Variants in CLASP2 observed in about 807,000 individuals in gnomAD.
CLASP2 encodes cytoplasmic linker associated protein 2.
Under a neutral mutation model 194.4 loss-of-function variants are expected in CLASP2, and 47 were observed. The observed-to-expected ratio is 0.24, with a 90% CI of 0.19 to 0.31. The LOEUF (loss-of-function observed/expected upper bound fraction) is 0.31. Ranked by LOEUF, CLASP2 falls within the 10% of genes least tolerant of loss-of-function variation. CLASP2 has a pLI of 1.00. For missense variants in CLASP2, 1,445 were observed against 1,823.6 expected (o/e 0.79, Z 3.78); for synonymous variants, 619 against 633.5 (o/e 0.98, Z 0.34).
chr3:33,641,557 C>A (rs770522811), intron 8 of CLASP2, among the ~76,000 whole-genome samples: 1 of 151,308 alleles, frequency 6.6e-6, no homozygotes, highest in South Asian at 2.1e-4. Flanking sequence ...GGGTGGCATA[C>A]GAAGGCCAAA....
intron 8 of CLASP2, among the ~76,000 whole-genome samples, chr3:33,642,878 C>CA (rs1262672887): frequency 6.7e-6 from 1 of 148,998 alleles, no homozygotes; most frequent in African/African-American, 2.5e-5. Context: ...CTGCAATTGC[C>CA]AAAACGAAGA....
At chr3:33,670,216 C>G (rs2086903005) in intron 6 of CLASP2, among the ~76,000 whole-genome samples, 1 of 151,898 alleles carries the variant, frequency 6.6e-6, no homozygotes, top group Non-Finnish European at 1.5e-5. Flanking sequence ...ACAGGCAAAA[C>G]TAAACTATGG....
chr3:33,672,630 G>A (rs896298558), intron 6 of CLASP2, among the ~76,000 whole-genome samples: 9 of 152,218 alleles, frequency 5.9e-5, no homozygotes, highest in African/African-American at 2.2e-4. Flanking sequence ...GAAGGCTTCA[G>A]ACGATCAAAT....
chr3:33,540,371 G>A (rs1412720161), intron 32 of CLASP2, among the ~76,000 whole-genome samples: 2 of 151,620 alleles, frequency 1.3e-5, no homozygotes, highest in African/African-American at 4.8e-5. Context: ...CAAGTTGCTA[G>A]GACTACAAAC....
intron 34 of CLASP2, among the ~76,000 whole-genome samples, chr3:33,527,920 G>A (rs2055048105): frequency 6.6e-6 from 1 of 152,164 alleles, no homozygotes; most frequent in Non-Finnish European, 1.5e-5. Context: ...CCGAGATCAT[G>A]CTGCTGCCCC....
chr3:33,529,870 C>G (rs951066110), intron 34 of CLASP2, among the ~76,000 whole-genome samples: 1 of 148,396 alleles, frequency 6.7e-6, no homozygotes, highest in Non-Finnish European at 1.5e-5. Context: ...CCCAGCTACT[C>G]GGGAGGCTGA....
At chr3:33,697,889 TAAG>T (rs1305923891) in intron 1 of CLASP2, among the ~76,000 whole-genome samples, 3 of 152,166 alleles carry the variant, frequency 2.0e-5, no homozygotes, top group Non-Finnish European at 4.4e-5. Context: ...TGTAAGTGGG[TAAG>T]AAGAAGTCAG....
intron 6 of CLASP2, among the ~76,000 whole-genome samples, chr3:33,675,037 A>T (rs1227130908): frequency 6.6e-6 from 1 of 152,194 alleles, no homozygotes; most frequent in East Asian, 1.9e-4. Flanking sequence ...ATTCCTTCTG[A>T]AACTATTCCA....
At chr3:33,695,220 ATTTTTTTTT>A (rs762657276) in intron 2 of CLASP2, among the ~76,000 whole-genome samples, 1 of 103,840 alleles carries the variant, frequency 9.6e-6, no homozygotes, top group Non-Finnish European at 1.9e-5. Flanking sequence ...AAGCCTGCTA[ATTTTTTTTT>A]TTTTTTTTTT....
intron 25 of CLASP2, among the ~76,000 whole-genome samples, chr3:33,571,038 CG>C (rs1560085548): frequency 9.9e-6 from 1 of 101,144 alleles, no homozygotes; most frequent in Non-Finnish European, 2.1e-5. Flanking sequence ...TTTTTTGAGA[CG>C]GAGTCTCGCT....
intron 1 of CLASP2, among the ~76,000 whole-genome samples, chr3:33,710,160 T>C (rs570100354): frequency 2.0e-5 from 3 of 152,124 alleles, no homozygotes; most frequent in Non-Finnish European, 4.4e-5. Flanking sequence ...AAAGCATGAT[T>C]CCTAATGGTG....
chr3:33,628,931 C>T (rs1052771730), intron 9 of CLASP2, among the ~76,000 whole-genome samples: 3 of 151,788 alleles, frequency 2.0e-5, no homozygotes, highest in Admixed American at 6.6e-5. Context: ...AATGGAAGAA[C>T]ATCATATCAC....
intron 29 of CLASP2, chr3:33,558,994 T>C: frequency 2.6e-6 from 1 of 389,922 alleles, no homozygotes; most frequent in East Asian, 6.0e-5. Flanking sequence ...TGGCATTGCA[T>C]TTAAATAACA....
At chr3:33,613,259 A>G (rs1444047097) in intron 12 of CLASP2, among the ~76,000 whole-genome samples, 1 of 152,224 alleles carries the variant, frequency 6.6e-6, no homozygotes, top group Non-Finnish European at 1.5e-5. Context: ...GATACAGCCC[A>G]AGGCTATCTT....
At chr3:33,510,535 C>A in intron 37 of CLASP2, 23 bp downstream of exon 37, 2 of 1,607,930 alleles carry the variant, frequency 1.2e-6, no homozygotes, top group South Asian at 1.1e-5. Flanking sequence ...ATGGCTTATT[C>A]CTCTCCAAGC....
At chr3:33,707,853 G>A (rs1257094284) in intron 1 of CLASP2, among the ~76,000 whole-genome samples, 1 of 152,146 alleles carries the variant, frequency 6.6e-6, no homozygotes, top group African/African-American at 2.4e-5. Context: ...GACTGAGGGG[G>A]AAACATTAAA....
intron 29 of CLASP2, among the ~76,000 whole-genome samples, chr3:33,556,771 A>G (rs1455872387): frequency 6.6e-6 from 1 of 152,080 alleles, no homozygotes; most frequent in Non-Finnish European, 1.5e-5. Flanking sequence ...TTGCTAATAC[A>G]TCTATTATCT....
chr3:33,554,225 C>CAA (rs58168943), intron 29 of CLASP2, among the ~76,000 whole-genome samples: 1,999 of 88,820 alleles, frequency 0.023, 27 homozygotes, highest in Non-Finnish European at 0.026. Context: ...GAAACTGTCT[C>CAA]AAAAAAAAAA....
intron 5 of CLASP2, among the ~76,000 whole-genome samples, chr3:33,685,064 G>A (rs1000667406): frequency 1.3e-4 from 19 of 150,650 alleles, no homozygotes; most frequent in East Asian, 3.9e-4. Context: ...TTGTAGGCCC[G>A]GCACGGTGGC....
Sources: gnomAD v4.1 joint callset for allele counts (sites outside exome capture counted in the v4.1 genomes callset) on GRCh38, gnomAD v4.1.1 for gene constraint, MANE v1.5 for transcripts, NCBI Gene and HGNC (gene_info 2026-07-23, HGNC 2026-07-21) for gene names.